Variants in LIMK2 observed in about 807,000 individuals in gnomAD.
The protein encoded by LIMK2 is LIM domain kinase 2.
A neutral mutation model predicts 75.7 loss-of-function variants in LIMK2; 35 were observed. The observed-to-expected ratio is 0.46, with a 90% CI of 0.35 to 0.61. The LOEUF is 0.61. LIMK2 is among the 20% of genes least tolerant of loss of function. LIMK2 has a pLI of 0.00. For synonymous variants in LIMK2, 301 were observed against 319.2 expected, an observed-to-expected ratio of 0.94 and a Z score of 0.61; for missense variants, 623 against 831.0, an observed-to-expected ratio of 0.75 and a Z score of 3.08.
intron 2 of LIMK2, among the ~76,000 whole-genome samples, chr22:31,234,275 G>A (rs2048552676): frequency 6.7e-6 from 1 of 148,788 alleles, no homozygotes; most frequent in Admixed American, 6.7e-5. Context: ...GCCTCCCAAA[G>A]TGCTGGGATT....
At chr22:31,246,183 G>GCACGCACACACACACACACACACACA (rs1555886279) in intron 2 of LIMK2, among the ~76,000 whole-genome samples, 6 of 134,994 alleles carry the variant, frequency 4.4e-5, no homozygotes, top group Non-Finnish European at 8.0e-5. Context: ...ACGCACGCAC[G>GCACGCACACACACACACACACACACA]CACACACACA....
intron 2 of LIMK2, among the ~76,000 whole-genome samples, chr22:31,244,396 T>C (rs1601416885): frequency 6.6e-6 from 1 of 152,196 alleles, no homozygotes; most frequent in Non-Finnish European, 1.5e-5. Flanking sequence ...GGGAACATAA[T>C]AGATTTTTGG....
chr22:31,243,890 C>G (rs924657717), intron 2 of LIMK2, among the ~76,000 whole-genome samples: 1 of 152,224 alleles, frequency 6.6e-6, no homozygotes, highest in Non-Finnish European at 1.5e-5. Context: ...GAACCACACA[C>G]TTGGGTCTGA....
chr22:31,270,228 C>T (rs917491904), intron 11 of LIMK2, among the ~76,000 whole-genome samples: 4 of 152,096 alleles, frequency 2.6e-5, no homozygotes, highest in African/African-American at 9.7e-5. Context: ...ATCCATGTAG[C>T]TGGTGGGGGT....
intron 2 of LIMK2, among the ~76,000 whole-genome samples, chr22:31,236,357 C>G (rs1193120186): frequency 6.7e-6 from 1 of 149,568 alleles, no homozygotes; most frequent in Non-Finnish European, 1.5e-5. Flanking sequence ...CTTATAATAT[C>G]AGCACTTTGG....
chr22:31,264,658 C>T (rs1210138287), intron 7 of LIMK2, among the ~76,000 whole-genome samples: 1 of 152,228 alleles, frequency 6.6e-6, no homozygotes, highest in East Asian at 1.9e-4. Flanking sequence ...CACGGTGGCT[C>T]ACGCCTGTAA....
intron 1 of LIMK2, among the ~76,000 whole-genome samples, chr22:31,214,794 A>G (rs563968358): frequency 6.6e-6 from 1 of 151,814 alleles, no homozygotes; most frequent in South Asian, 2.1e-4. Context: ...TGGTTTTTTG[A>G]TTTTTTTGTA....
At chr22:31,242,424 G>A (rs967205970) in intron 2 of LIMK2, among the ~76,000 whole-genome samples, 10 of 152,104 alleles carry the variant, frequency 6.6e-5, no homozygotes, top group Non-Finnish European at 1.0e-4. Flanking sequence ...CATCCCCAGC[G>A]CCTGGTATAT....
At chr22:31,215,216 C>T (rs1288003259) in intron 1 of LIMK2, among the ~76,000 whole-genome samples, 1 of 152,198 alleles carries the variant, frequency 6.6e-6, no homozygotes, top group Non-Finnish European at 1.5e-5. Flanking sequence ...TTCCTCCTCT[C>T]TGTAGCACAA....
Position 31,271,132 on chromosome 22 carries a change from C to G in LIMK2, c.1318-4C>G. On this transcript the variant is annotated splice_region_variant and splice_polypyrimidine_tract_variant and intron_variant, in intron 11 of 15. Coordinates refer to ENST00000331728, the MANE Select transcript of LIMK2 (RefSeq NM_005569.4). ...TGTAGCCTCAGCTCATGCTTCTGTT[C>G]CAGGCCTATTTGCACTCTATGTGCA... The G allele has an allele frequency of 6.2e-7, 1 of 1,613,510 alleles. No individual in the cohort carries two copies. Among genetic ancestry groups the G allele is most frequent in the Non-Finnish European group, 8.5e-7 (1 of 1,179,432 alleles).
intron 14 of LIMK2, among the ~76,000 whole-genome samples, chr22:31,274,695 C>G (rs1354138254): frequency 1.3e-5 from 2 of 152,220 alleles, no homozygotes; most frequent in Non-Finnish European, 2.9e-5. Context: ...GCTACCGTGC[C>G]TGGCCATGAA....
At chr22:31,273,858 C>T (rs928778375) in intron 14 of LIMK2, among the ~76,000 whole-genome samples, 4 of 151,912 alleles carry the variant, frequency 2.6e-5, no homozygotes, top group South Asian at 4.2e-4. Flanking sequence ...CCACCATGCC[C>T]GGCTAATTTT....
chr22:31,237,011 C>G (rs534074900), intron 2 of LIMK2, among the ~76,000 whole-genome samples: 1 of 151,958 alleles, frequency 6.6e-6, no homozygotes, highest in South Asian at 2.1e-4. Context: ...CATGTAATCC[C>G]AGCACTTTGG....
chr22:31,263,568 C>T (rs1258767805), intron 7 of LIMK2, among the ~76,000 whole-genome samples: 1 of 152,000 alleles, frequency 6.6e-6, no homozygotes, highest in Non-Finnish European at 1.5e-5. Flanking sequence ...GGCCAGGCAC[C>T]GTGGCTCATG....
At chr22:31,268,285 C>T in intron 11 of LIMK2, 85 bp downstream of exon 11, 1 of 1,111,254 alleles carries the variant, frequency 9.0e-7, no homozygotes, top group Non-Finnish European at 1.4e-6. Context: ...GTAGAGACCC[C>T]TTCCTATGCA....
chr22:31,239,500 T>A (rs2048606554), intron 2 of LIMK2, among the ~76,000 whole-genome samples: 1 of 152,258 alleles, frequency 6.6e-6, no homozygotes, highest in Non-Finnish European at 1.5e-5. Flanking sequence ...CAGGCCAGAA[T>A]GCCTGTTACT....
chr22:31,277,103 G>A (rs1411337303), intron 15 of LIMK2: 1 of 1,613,908 alleles, frequency 6.2e-7, no homozygotes, highest in Admixed American at 1.7e-5. Flanking sequence ...GACAAGATCC[G>A]GGCCATGCAG....
intron 2 of LIMK2, among the ~76,000 whole-genome samples, chr22:31,239,941 C>G (rs2048610425): frequency 6.6e-6 from 1 of 152,170 alleles, no homozygotes; most frequent in Non-Finnish European, 1.5e-5. Context: ...TAAGCTCAAA[C>G]TTATGTAGAC....
rs77379599 is a variant in LIMK2 at position 31,270,691 on chromosome 22, C to T, written c.1318-445C>T. On this transcript the variant is annotated intron_variant, in intron 11 of 15. Coordinates refer to ENST00000331728, the MANE Select transcript of LIMK2 (RefSeq NM_005569.4). ...GGAGGTGAATGTCTGAAAGACAGAG[C>T]TAGCTGGAGCAAGAAGTCACTTCTC... is the stretch of plus-strand genomic sequence containing the variant. Among the ~76,000 whole-genome samples the T allele has an allele frequency of 5.2e-3, 785 of 152,274 alleles. 5 individuals carry two copies. The highest frequency in any genetic ancestry group is 0.018 in the African/African-American group (746 of 41,528).
Sources: allele counts gnomAD v4.1 joint callset (sites outside exome capture counted in the v4.1 genomes callset), GRCh38; gene constraint gnomAD v4.1.1; transcripts MANE v1.5; gene names NCBI Gene and HGNC (gene_info 2026-07-23, HGNC 2026-07-21).